TENM2: variants seen among roughly 807,000 people sequenced by gnomAD.
TENM2 encodes the protein teneurin transmembrane protein 2, also known as teneurin-2.
TENM2 carries 52 observed loss-of-function variants against 245.2 expected under a neutral mutation model. That is an observed-to-expected ratio of 0.21 (90% CI 0.17 to 0.27). The LOEUF is 0.27. TENM2 is among the 10% of genes least tolerant of loss of function. The pLI, the probability that TENM2 is intolerant of heterozygous loss-of-function variation, is 1.00. For missense variants in TENM2, 3,046 were observed against 3,666.8 expected (o/e 0.83, Z 4.37); for synonymous variants, 1,363 against 1,438.9 (o/e 0.95, Z 1.19).
the TENM2 span, among the ~76,000 whole-genome samples, chr5:167,232,831 T>C: frequency 6.6e-6 from 1 of 151,970 alleles, no homozygotes; most frequent in African/African-American, 2.4e-5. Flanking sequence ...CAACAGAGAG[T>C]TTTCAAGTTG....
In TENM2 at chr5:167,986,179, T is replaced by C. The variant is rs542252152; in HGVS notation, c.948-6765T>C. Among the ~76,000 whole-genome samples, 6 of 152,364 alleles carry C rather than the reference T, an allele frequency of 3.9e-5. No individual in the cohort carries two copies. In the South Asian group the frequency reaches 1.2e-3, roughly 32 times the overall value. Reference sequence around the variant, plus strand: ...AAGATTCTGCCTGAAATCCATGTCTTTGCTGTCACGTAAAGGATACAGGAG... The same window carrying C: ...AAGATTCTGCCTGAAATCCATGTCTCTGCTGTCACGTAAAGGATACAGGAG... On this transcript the variant is annotated intron_variant, in intron 4 of 28. Transcript: ENST00000518659.
Position 167,945,410 on chromosome 5 carries a change from T to A in TENM2, c.713-7178T>A, listed in dbSNP as rs1246986778. Among the ~76,000 whole-genome samples the A allele has an allele frequency of 5.3e-5, 8 of 152,322 alleles. No homozygotes were observed. In the South Asian group the frequency reaches 1.0e-3, roughly 20 times the overall value. On this transcript the variant is annotated intron_variant, in intron 3 of 28. Transcript: ENST00000518659. Reference sequence around the variant, plus strand: ...ACCTCCCCACACCTCAGTCTCCTCATCTTTAAAGGGGAGAGCAATATCTTC... The same window carrying A: ...ACCTCCCCACACCTCAGTCTCCTCAACTTTAAAGGGGAGAGCAATATCTTC...
chr5:168,173,858 C>A (rs775743469), intron 13 of TENM2, among the ~76,000 whole-genome samples: 5 of 152,122 alleles, frequency 3.3e-5, no homozygotes, highest in Non-Finnish European at 5.9e-5. Flanking sequence ...CAGCTTGAAT[C>A]TTAAAAGATA....
chr5:167,608,482 A>G (rs1004776489), intron 2 of TENM2, among the ~76,000 whole-genome samples: 1 of 152,214 alleles, frequency 6.6e-6, no homozygotes, highest in Admixed American at 6.5e-5. Flanking sequence ...AAGATGACAG[A>G]GTGCTTCCCT....
intron 8 of TENM2, among the ~76,000 whole-genome samples, chr5:168,094,224 G>C (rs996130820): frequency 6.6e-6 from 1 of 152,168 alleles, no homozygotes; most frequent in Admixed American, 6.5e-5. Context: ...CCCAGGAGCT[G>C]AGACACAATG....
chr5:168,254,996 G>C (rs774258583), intron 27 of TENM2, among the ~76,000 whole-genome samples: 1 of 151,512 alleles, frequency 6.6e-6, no homozygotes, highest in South Asian at 2.1e-4. Context: ...GCAGTGAGAC[G>C]AGGTCACACC....
At chr5:168,075,070 T>A (rs992166524) in intron 7 of TENM2, among the ~76,000 whole-genome samples, 3 of 152,170 alleles carry the variant, frequency 2.0e-5, no homozygotes, top group African/African-American at 7.2e-5. Context: ...TGTGTAGTTT[T>A]TTTATCCCTC....
intron 2 of TENM2, among the ~76,000 whole-genome samples, chr5:167,801,594 T>C (rs1765779240): frequency 6.6e-6 from 1 of 152,054 alleles, no homozygotes; most frequent in Non-Finnish European, 1.5e-5. Context: ...TGGAATTGAA[T>C]TGAATTCAAT....
intron 25 of TENM2, chr5:168,231,103 G>A (rs938634535): frequency 1.3e-5 from 2 of 152,234 alleles, no homozygotes; most frequent in South Asian, 2.1e-4. Flanking sequence ...AGCTTAATAA[G>A]CAGGCCTGGA....
chr5:168,214,078 C>T (rs1179114366), intron 20 of TENM2, among the ~76,000 whole-genome samples: 1 of 152,204 alleles, frequency 6.6e-6, no homozygotes, highest in Non-Finnish European at 1.5e-5. Flanking sequence ...GATTTAATCC[C>T]TCCAGCCCCT....
At chr5:167,001,906 C>A in the TENM2 span, among the ~76,000 whole-genome samples, 1 of 151,926 alleles carries the variant, frequency 6.6e-6, no homozygotes, top group Non-Finnish European at 1.5e-5. Flanking sequence ...GCTGCTCCTG[C>A]CTTTACTTAT....
At chr5:167,657,436 A>G (rs13356710) in intron 2 of TENM2, among the ~76,000 whole-genome samples, 6,048 of 152,272 alleles carry the variant, frequency 0.04, 394 homozygotes, top group African/African-American at 0.14. Flanking sequence ...CAGTGCTGCA[A>G]TAAGCATTCG....
chr5:167,532,712 ATGT>A, intron 2 of TENM2, among the ~76,000 whole-genome samples: 1 of 151,512 alleles, frequency 6.6e-6, no homozygotes, highest in African/African-American at 2.4e-5. Context: ...ATATCTATAT[ATGT>A]ATATATACAC....
intron 8 of TENM2, among the ~76,000 whole-genome samples, chr5:168,094,566 C>A (rs1793204661): frequency 6.6e-6 from 1 of 152,040 alleles, no homozygotes; most frequent in Non-Finnish European, 1.5e-5. Flanking sequence ...ACATGTTCTA[C>A]AGCAGGGGTC....
intron 2 of TENM2, among the ~76,000 whole-genome samples, chr5:167,860,396 G>A (rs1403202601): frequency 1.1e-5 from 1 of 87,674 alleles, no homozygotes; most frequent in African/African-American, 5.8e-5. Context: ...CCGGCCAGCC[G>A]CCCCGTCCGG....
At position 168,247,137 on chromosome 5, in the gene TENM2, G is replaced by T. The variant is rs758752550; in HGVS notation, c.6198G>T (p.Arg2066=). 1.9e-6 allele frequency: 3 copies of T among 1,613,844 alleles called. No individual in the cohort carries two copies. In the South Asian group the frequency reaches 3.3e-5, roughly 18 times the overall value. Residue 2066 remains arginine (R), a synonymous_variant, in exon 27 of 29, where the codon CGG becomes CGT. Transcript: ENST00000518659. This position sits in a 1 kb window ranked among gnomAD's most constrained non-coding sequence, Gnocchi z 7.8. ...GCTTCTCCTGCACCATCAGGTACCG[G>T]AAGATTGGCCCCCTGGTGGACAAGC...
intron 2 of TENM2, among the ~76,000 whole-genome samples, chr5:167,410,654 G>A (rs1489767471): frequency 6.6e-6 from 1 of 151,952 alleles, no homozygotes; most frequent in Admixed American, 6.6e-5. Flanking sequence ...AGCTTCCTTG[G>A]TATGCATAAA....
chr5:167,511,558 A>G (rs920494074), intron 2 of TENM2, among the ~76,000 whole-genome samples: 1 of 152,166 alleles, frequency 6.6e-6, no homozygotes, highest in Non-Finnish European at 1.5e-5. Context: ...CCTGCAATTA[A>G]CTAGGTTTGT....
At chr5:168,057,220 G>T (rs981566642) in intron 6 of TENM2, among the ~76,000 whole-genome samples, 2 of 152,018 alleles carry the variant, frequency 1.3e-5, no homozygotes, top group African/African-American at 4.8e-5. Flanking sequence ...AATCGAGCTT[G>T]TGAAAGTGAA....
Sources: allele counts gnomAD v4.1 joint callset (sites outside exome capture counted in the v4.1 genomes callset), GRCh38; gene constraint gnomAD v4.1.1; non-coding constraint Gnocchi (gnomAD v3.1); transcripts MANE v1.5; gene names NCBI Gene and HGNC (gene_info 2026-07-23, HGNC 2026-07-21).